The following RAB3GAP2 variants were observed in gnomAD, a reference collection of about 807,000 sequenced individuals.
RAB3GAP2 encodes rab3 GTPase-activating protein non-catalytic subunit.
In RAB3GAP2, 87 loss-of-function variants were observed where a neutral mutation model predicts 185.3. The observed-to-expected ratio is 0.47, with a 90% confidence interval of 0.39 to 0.56. RAB3GAP2 has a LOEUF of 0.56. Among genes scored for constraint, RAB3GAP2 ranks in the 20% least tolerant of loss-of-function variants. The probability of loss-of-function intolerance (pLI) is 0.00; values close to 1 mark genes in which losing one functional copy is unlikely to be tolerated. For missense variants in RAB3GAP2, 1,492 were observed against 1,638.2 expected (o/e 0.91, Z 1.54); for synonymous variants, 554 against 576.1 (o/e 0.96, Z 0.55).
intron 32 of RAB3GAP2, 44 bp from the exon 33 acceptor site, chr1:220,153,450 T>A (rs776835966): frequency 1.4e-5 from 21 of 1,545,094 alleles, no homozygotes; most frequent in African/African-American, 1.4e-5. Flanking sequence ...TGTTACTGTT[T>A]CATTTTAAAA....
intron 31 of RAB3GAP2, among the ~76,000 whole-genome samples, chr1:220,156,468 G>A (rs932259665): frequency 1.3e-5 from 2 of 152,154 alleles, no homozygotes; most frequent in African/African-American, 4.8e-5. Context: ...AATAGAATAT[G>A]TAAAAACATA....
At chr1:220,183,969 C>G in intron 19 of RAB3GAP2, 67 bp downstream of exon 19, 1 of 1,309,224 alleles carries the variant, frequency 7.6e-7, no homozygotes. Flanking sequence ...TTCTTTACTA[C>G]TAATTTTAAA....
Position 220,272,307 on chromosome 1 carries a change from A to T in RAB3GAP2, c.31T>A (p.Phe11Ile), listed in dbSNP as rs976799415. 1.9e-6 allele frequency: 3 copies of T among 1,612,474 alleles called. No individual in the cohort carries two copies. Among genetic ancestry groups the T allele is most frequent in the Non-Finnish European group, 1.7e-6 (2 of 1,179,592 alleles). Residue 11 changes from phenylalanine (F) to isoleucine (I), a missense_variant, in exon 1 of 35, where the codon TTC becomes ATC. Physicochemically the swap from Phe to Ile is conservative, Grantham distance 21. Transcript: ENST00000358951. Reference sequence around the variant, plus strand: ...TCCCGGGCGGCCTGGAGGTCCTGGAAGTAGCAGAACTGGACAATGGAGCAG... The same window carrying T: ...TCCCGGGCGGCCTGGAGGTCCTGGATGTAGCAGAACTGGACAATGGAGCAG... MACSIVQFCY[F>I]QDLQAARDFL...
intron 24 of RAB3GAP2, among the ~76,000 whole-genome samples, chr1:220,170,210 T>C (rs193211512): frequency 6.6e-6 from 1 of 151,742 alleles, no homozygotes; most frequent in East Asian, 1.9e-4. Flanking sequence ...TAAGTGGGAG[T>C]TGAAAATGAG....
Position 220,193,236 on chromosome 1 carries a change from G to A in RAB3GAP2, c.1270+4C>T. ...TTGTTTTTCTGGATTTTTGTAAGAA[G>A]TACCTTTCCACATGCGTATTGCAAT... On this transcript the variant is annotated splice_donor_region_variant and intron_variant, in intron 13 of 34. Coordinates refer to ENST00000358951, the MANE Select transcript of RAB3GAP2 (RefSeq NM_012414.4). 1 of 1,613,814 alleles carries A rather than the reference G, an allele frequency of 6.2e-7. No homozygotes were observed. Among genetic ancestry groups the A allele is most frequent in the Non-Finnish European group, 8.5e-7 (1 of 1,179,870 alleles).
At chr1:220,248,424 A>G (rs1182931451) in intron 1 of RAB3GAP2, among the ~76,000 whole-genome samples, 1 of 152,194 alleles carries the variant, frequency 6.6e-6, no homozygotes, top group East Asian at 1.9e-4. Context: ...TTCATAACGT[A>G]TATCAAATCA....
rs1392559609 is a variant in RAB3GAP2 at position 220,152,540 on chromosome 1, C to G, written c.3867+645G>C. ...CTTTCTAGTCCTGGACCTAGTCATT[C>G]TAGTCCCCACCTCAGGGCCTTTGTA... On this transcript the variant is annotated intron_variant, in intron 33 of 34. Transcript: ENST00000358951. Among the ~76,000 whole-genome samples, 7 of 152,208 alleles carry G rather than the reference C, an allele frequency of 4.6e-5. No homozygotes were observed. The East Asian group carries it at 1.2e-3, about 25-fold the overall frequency.
chr1:220,198,864 G>T (rs1222553628), intron 9 of RAB3GAP2, among the ~76,000 whole-genome samples: 1 of 152,086 alleles, frequency 6.6e-6, no homozygotes, highest in African/African-American at 2.4e-5. Context: ...AATTTTCTAG[G>T]CCTAGTAGAG....
At chr1:220,172,957 T>G (rs1658206860) in intron 21 of RAB3GAP2, among the ~76,000 whole-genome samples, 1 of 152,212 alleles carries the variant, frequency 6.6e-6, no homozygotes. Context: ...TATTTAAACT[T>G]CACTGTTTCC....
At chr1:220,268,444 G>A (rs1660270850) in intron 1 of RAB3GAP2, among the ~76,000 whole-genome samples, 1 of 152,058 alleles carries the variant, frequency 6.6e-6, no homozygotes, top group African/African-American at 2.4e-5. Context: ...TCTCATATTT[G>A]CTGCTGCTAC....
intron 31 of RAB3GAP2, chr1:220,154,338 T>C: frequency 2.9e-6 from 1 of 347,458 alleles, no homozygotes; most frequent in Non-Finnish European, 5.3e-6. Context: ...CAGGTAGAGG[T>C]GATACATGTT....
At chr1:220,231,873 G>A (rs1659507262) in intron 2 of RAB3GAP2, among the ~76,000 whole-genome samples, 1 of 152,202 alleles carries the variant, frequency 6.6e-6, no homozygotes, top group Non-Finnish European at 1.5e-5. Context: ...AGCCAACACT[G>A]CATATACAAA....
chr1:220,252,538 G>C (rs112150003), intron 1 of RAB3GAP2, among the ~76,000 whole-genome samples: 3 of 152,340 alleles, frequency 2.0e-5, no homozygotes, highest in African/African-American at 7.2e-5. Context: ...TTGACCCAAA[G>C]AGAACGAAGA....
At chr1:220,202,422 A>C in intron 8 of RAB3GAP2, 48 bp from the exon 9 acceptor site, 1 of 1,570,034 alleles carries the variant, frequency 6.4e-7, no homozygotes, top group Non-Finnish European at 8.8e-7. Flanking sequence ...GGATAAAATG[A>C]AGTTTTACAA....
intron 1 of RAB3GAP2, among the ~76,000 whole-genome samples, chr1:220,259,017 G>C (rs1360016456): frequency 6.6e-6 from 1 of 152,092 alleles, no homozygotes; most frequent in African/African-American, 2.4e-5. Context: ...TAGGAACACA[G>C]CTAACAAAGG....
Position 220,172,617 on chromosome 1 carries a change from G to A in RAB3GAP2, c.2416+20C>T, listed in dbSNP as rs1340288640. 1 of 1,520,702 alleles carries A rather than the reference G, an allele frequency of 6.6e-7. No homozygotes were observed. The highest frequency in any genetic ancestry group is 2.3e-5 in the East Asian group (1 of 44,440). The allele number at this position is 1,520,702 out of a possible 1,614,324, so 94.2% of individuals were successfully genotyped here. ...TTCAAACACGAAACTTTGTTGACGA[G>A]AGCAACAAACTTTGTTTACCTTTCA... On this transcript the variant is annotated intron_variant, in intron 22 of 34. Transcript: ENST00000358951.
intron 28 of RAB3GAP2, among the ~76,000 whole-genome samples, chr1:220,161,117 G>A (rs1338420955): frequency 6.6e-6 from 1 of 152,090 alleles, no homozygotes; most frequent in African/African-American, 2.4e-5. Flanking sequence ...AGGTGAAGTT[G>A]AATAGGAGAA....
chr1:220,202,942 C>T (rs1558154051), intron 8 of RAB3GAP2, among the ~76,000 whole-genome samples: 1 of 152,064 alleles, frequency 6.6e-6, no homozygotes, highest in Admixed American at 6.6e-5. Flanking sequence ...GACTCCGTCT[C>T]GAAAACAACA....
intron 1 of RAB3GAP2, among the ~76,000 whole-genome samples, chr1:220,257,593 T>TA (rs1660055143): frequency 6.6e-6 from 1 of 152,114 alleles, no homozygotes; most frequent in Non-Finnish European, 1.5e-5. Flanking sequence ...GAGGGAAACT[T>TA]ACAGCACTAA....
Sources: gnomAD v4.1 joint callset for allele counts (sites outside exome capture counted in the v4.1 genomes callset) on GRCh38, gnomAD v4.1.1 for gene constraint, MANE v1.5 for transcripts, NCBI Gene and HGNC (gene_info 2026-07-23, HGNC 2026-07-21) for gene names.